Variants in KLHL1 observed in about 807,000 individuals in gnomAD.
KLHL1 encodes the protein kelch-like protein 1.
A neutral mutation model predicts 77.7 loss-of-function variants in KLHL1; 47 were observed. The observed-to-expected ratio is 0.60, with a 90% CI of 0.48 to 0.77. KLHL1 has a LOEUF of 0.77. Ranked by LOEUF, KLHL1 falls within the 30% of genes least tolerant of loss-of-function variation. KLHL1 has a pLI of 0.00. For missense variants in KLHL1, 925 were observed against 910.8 expected (o/e 1.02, Z -0.20); for synonymous variants, 360 against 325.2 (o/e 1.11, Z -1.15).
At chr13:69,708,267 A>G (rs1875718732) in intron 9 of KLHL1, among the ~76,000 whole-genome samples, 1 of 152,006 alleles carries the variant, frequency 6.6e-6, no homozygotes, top group Admixed American at 6.6e-5. Flanking sequence ...AGATTTGTGC[A>G]AAAATAACTG....
At chr13:69,920,851 A>G (rs1463288262) in intron 4 of KLHL1, among the ~76,000 whole-genome samples, 1 of 152,172 alleles carries the variant, frequency 6.6e-6, no homozygotes, top group East Asian at 1.9e-4. Context: ...TCTCCTCTGT[A>G]TGCACTCAGA....
chr13:69,960,476 T>G (rs1456033622), intron 3 of KLHL1, among the ~76,000 whole-genome samples: 1 of 152,014 alleles, frequency 6.6e-6, no homozygotes, highest in Non-Finnish European at 1.5e-5. Context: ...TCACAAGATT[T>G]TATGTCCTCC....
At position 69,740,493 on chromosome 13, in the gene KLHL1, T is replaced by G; in HGVS notation, c.1703A>C (p.Asn568Thr). Residue 568 changes from asparagine to threonine, a missense_variant, in exon 8 of 11, where the codon AAT becomes ACT. Transcript: ENST00000377844. ...CTGTGGATCCCACCTTTCCACTGTA[T>G]TCAGATAGCTCCAGCCATCATGGCC... ...VGGHDGWSYL[N>T]TVERWDPQSQ... The G allele has an allele frequency of 6.2e-7, 1 of 1,613,106 alleles. No individual in the cohort carries two copies. The highest frequency in any genetic ancestry group is 8.5e-7 in the Non-Finnish European group (1 of 1,179,242).
rs566061931 is a variant in KLHL1, at chr13:70,061,385, TTTTATTTTGGG to T, written c.497+45807_497+45817del. On this transcript the variant is annotated intron_variant, in intron 1 of 10. Transcript: ENST00000377844. ...GTAACATGAGGTTTCTAAAATTTTC[TTTTATTTTGGG>T]TTTAAGTGGTTTTTACTGCTTTATT... Among the ~76,000 whole-genome samples the T allele has an allele frequency of 3.5e-4, 48 of 135,830 alleles. No homozygotes were observed. In the East Asian group the frequency reaches 0.014, roughly 40 times the overall value. The allele number at this position is 135,830 out of a possible 152,430, so 89.1% of individuals were successfully genotyped here.
At chr13:69,880,687 A>G (rs1364130587) in intron 5 of KLHL1, among the ~76,000 whole-genome samples, 1 of 152,140 alleles carries the variant, frequency 6.6e-6, no homozygotes, top group Non-Finnish European at 1.5e-5. Flanking sequence ...GCATCTCCCT[A>G]TAACTGATGA....
chr13:69,774,484 C>T (rs969883170), intron 7 of KLHL1, among the ~76,000 whole-genome samples: 1 of 151,592 alleles, frequency 6.6e-6, no homozygotes, highest in Non-Finnish European at 1.5e-5. Context: ...TTGCCATATC[C>T]TCTCTCTCTT....
chr13:69,726,074 A>C (rs1873286258), intron 8 of KLHL1, among the ~76,000 whole-genome samples: 2 of 152,162 alleles, frequency 1.3e-5, no homozygotes, highest in Non-Finnish European at 2.9e-5. Flanking sequence ...TCCTATGTAT[A>C]GTTATTTACA....
intron 3 of KLHL1, among the ~76,000 whole-genome samples, chr13:69,949,420 T>C (rs1883634735): frequency 6.6e-6 from 1 of 151,856 alleles, no homozygotes; most frequent in Non-Finnish European, 1.5e-5. Flanking sequence ...ACTGGGGTTA[T>C]GAATGAAGTT....
At chr13:69,979,834 T>C (rs1884656687) in intron 1 of KLHL1, among the ~76,000 whole-genome samples, 3 of 152,214 alleles carry the variant, frequency 2.0e-5, no homozygotes, top group African/African-American at 7.2e-5. Flanking sequence ...ATGAATAAAA[T>C]TGTTTTGATC....
chr13:70,032,431 C>T (rs2325270), intron 1 of KLHL1, among the ~76,000 whole-genome samples: 87,793 of 151,846 alleles, frequency 0.58, 27,806 homozygotes, highest in East Asian at 0.81. Flanking sequence ...AAAACAATGA[C>T]GGAGCAAATT....
chr13:69,762,903 C>T lies in KLHL1; in HGVS notation c.1640-22347G>A, dbSNP rs115463646. ...CTTTTGATTGATGGGAAATGAAGGG[C>T]CAATGTAGATAAGGAAGTTTAGTAG... On this transcript the variant is annotated intron_variant, in intron 7 of 10. Transcript: ENST00000377844. Among the ~76,000 whole-genome samples, 1,457 of 151,796 alleles carry T rather than the reference C, an allele frequency of 9.6e-3. 26 individuals are homozygous for T. The highest frequency in any genetic ancestry group is 0.033 in the African/African-American group (1,370 of 41,366).
At chr13:69,974,979 T>C (rs1884500718) in intron 2 of KLHL1, among the ~76,000 whole-genome samples, 1 of 152,002 alleles carries the variant, frequency 6.6e-6, no homozygotes, top group Non-Finnish European at 1.5e-5. Flanking sequence ...CAAATGTCCT[T>C]CCCCATGTAT....
chr13:69,858,692 A>G (rs139882258), intron 5 of KLHL1, among the ~76,000 whole-genome samples: 2,536 of 152,170 alleles, frequency 0.017, 28 homozygotes, highest in Middle Eastern at 0.044. Flanking sequence ...TTTTTCTATT[A>G]GTGGAAATGA....
intron 5 of KLHL1, among the ~76,000 whole-genome samples, chr13:69,841,608 TATC>T (rs960631013): frequency 8.6e-5 from 13 of 151,842 alleles, no homozygotes; most frequent in African/African-American, 3.1e-4. Flanking sequence ...GAAGAATTAA[TATC>T]ATTAAAATGA....
At chr13:69,844,934 C>A (rs1403151926) in intron 5 of KLHL1, among the ~76,000 whole-genome samples, 2 of 151,238 alleles carry the variant, frequency 1.3e-5, no homozygotes, top group Non-Finnish European at 3.0e-5. Flanking sequence ...ATGGTGAAAA[C>A]TAAAAAAAAA....
chr13:69,743,785 C>CA (rs34481284), intron 7 of KLHL1, among the ~76,000 whole-genome samples: 28,684 of 121,132 alleles, frequency 0.24, 2,953 homozygotes, highest in South Asian at 0.33. Flanking sequence ...GATTTTGTCT[C>CA]AAAAAAAACA....
Position 69,791,527 on chromosome 13 carries a change from T to A in KLHL1, c.1639+5211A>T, listed in dbSNP as rs531794314. ...ACAGTGTGATCACACTACATGATTT[T>A]AAAAACTACTACAAAGCTTCAGTAA... On this transcript the variant is annotated intron_variant, in intron 7 of 10. Transcript: ENST00000377844. Among the ~76,000 whole-genome samples, 6 of 152,278 alleles carry A rather than the reference T, an allele frequency of 3.9e-5. No homozygotes were observed. In the East Asian group the frequency reaches 1.2e-3, roughly 29 times the overall value.
At chr13:70,071,372 C>T (rs1887133768) in intron 1 of KLHL1, among the ~76,000 whole-genome samples, 1 of 151,908 alleles carries the variant, frequency 6.6e-6, no homozygotes, top group Non-Finnish European at 1.5e-5. Flanking sequence ...CAAAAACTGA[C>T]AGAACTCCAA....
intron 1 of KLHL1, among the ~76,000 whole-genome samples, chr13:69,985,512 T>C (rs1884839069): frequency 6.6e-6 from 1 of 151,584 alleles, no homozygotes; most frequent in South Asian, 2.1e-4. Context: ...GGTGAGAATA[T>C]GGAGAAAGGG....
Sources: gnomAD v4.1 joint callset for allele counts (sites outside exome capture counted in the v4.1 genomes callset) on GRCh38, gnomAD v4.1.1 for gene constraint, MANE v1.5 for transcripts, NCBI Gene and HGNC (gene_info 2026-07-23, HGNC 2026-07-21) for gene names.